Variants in PRIM2 observed in about 807,000 individuals in gnomAD.
PRIM2 encodes DNA primase subunit 2.
In PRIM2, 39 loss-of-function variants were observed where a neutral mutation model predicts 67.3. The observed-to-expected ratio is 0.58, with a 90% CI of 0.45 to 0.76. PRIM2 has a LOEUF of 0.76. Among genes scored for constraint, PRIM2 ranks in the 30% least tolerant of loss-of-function variants. The probability of loss-of-function intolerance (pLI) is 0.00; values close to 1 mark genes in which losing one functional copy is unlikely to be tolerated. For synonymous variants in PRIM2, 143 were observed against 198.7 expected (o/e 0.72, Z 2.36); for missense variants, 398 against 598.7 (o/e 0.66, Z 3.50).
the PRIM2 span, among the ~76,000 whole-genome samples, chr6:57,308,712 G>A: frequency 6.6e-6 from 1 of 152,074 alleles, no homozygotes; most frequent in Non-Finnish European, 1.5e-5. Context: ...TCTGGCACCT[G>A]TAGAATATTA....
At chr6:57,306,147 G>C in the PRIM2 span, among the ~76,000 whole-genome samples, 1 of 152,054 alleles carries the variant, frequency 6.6e-6, no homozygotes, top group Non-Finnish European at 1.5e-5. Context: ...ATTTCACTTC[G>C]TACCCCCACT....
chr6:57,313,500 GC>G (rs1669592685), upstream of PRIM2, among the ~76,000 whole-genome samples: 1 of 152,148 alleles, frequency 6.6e-6, no homozygotes, highest in African/African-American at 2.4e-5. Flanking sequence ...TCTTCACCGT[GC>G]TACCATTAAG....
intron 5 of PRIM2, among the ~76,000 whole-genome samples, chr6:57,345,509 C>CATAT (rs1768648037): frequency 5.7e-5 from 3 of 52,686 alleles, no homozygotes; most frequent in African/African-American, 8.3e-5. Context: ...TGTGTGTGTA[C>CATAT]ATACATATAT....
At chr6:57,372,820 T>C (rs966391139) in intron 5 of PRIM2, among the ~76,000 whole-genome samples, 8 of 152,238 alleles carry the variant, frequency 5.3e-5, no homozygotes, top group Non-Finnish European at 1.2e-4. Flanking sequence ...TTCCGTGGTG[T>C]ATATGTACCA....
chr6:57,262,811 G>A, the PRIM2 span, among the ~76,000 whole-genome samples: 2 of 152,160 alleles, frequency 1.3e-5, no homozygotes, highest in East Asian at 1.9e-4. Context: ...TCTGCAACCT[G>A]CTTCCACCGT....
chr6:57,627,279 C>CAAAAAAAAAAAAAAAAAAAAAAA (rs1158722297), intron 12 of PRIM2, among the ~76,000 whole-genome samples: 1 of 24,538 alleles, frequency 4.1e-5, no homozygotes, highest in Non-Finnish European at 7.9e-5. Context: ...GACTCTGTCT[C>CAAAAAAAAAAAAAAAAAAAAAAA]AAAAAAAAAA....
At chr6:57,268,220 C>A in the PRIM2 span, among the ~76,000 whole-genome samples, 1 of 152,168 alleles carries the variant, frequency 6.6e-6, no homozygotes. Context: ...CAAAAAACCA[C>A]ATTTTGTTCC....
intron 7 of PRIM2, among the ~76,000 whole-genome samples, chr6:57,503,374 G>A (rs2127458374): frequency 6.6e-6 from 1 of 152,334 alleles, no homozygotes; most frequent in African/African-American, 2.4e-5. Context: ...TATAGATTTA[G>A]TCAATATTTC....
chr6:57,276,194 A>T, the PRIM2 span, among the ~76,000 whole-genome samples: 1 of 152,172 alleles, frequency 6.6e-6, no homozygotes, highest in African/African-American at 2.4e-5. Context: ...GTTCAAGACC[A>T]GCCTGGCCAA....
intron 7 of PRIM2, among the ~76,000 whole-genome samples, chr6:57,402,496 C>T (rs1214286557): frequency 2.6e-5 from 4 of 152,046 alleles, no homozygotes; most frequent in Non-Finnish European, 4.4e-5. Flanking sequence ...AGCTGTATTA[C>T]CTAAGTTCAG....
At chr6:57,270,946 G>A in the PRIM2 span, among the ~76,000 whole-genome samples, 3 of 151,840 alleles carry the variant, frequency 2.0e-5, no homozygotes, top group East Asian at 5.8e-4. Context: ...ATTTGTGTAT[G>A]TTGAACCAGC....
chr6:57,632,658 G>C (rs1719213231), intron 13 of PRIM2, among the ~76,000 whole-genome samples: 1 of 152,224 alleles, frequency 6.6e-6, no homozygotes, highest in Non-Finnish European at 1.5e-5. Flanking sequence ...AAATTAGGTA[G>C]TAGACCCAGT....
intron 7 of PRIM2, among the ~76,000 whole-genome samples, chr6:57,481,923 G>A (rs1224164574): frequency 1.3e-5 from 2 of 151,990 alleles, no homozygotes; most frequent in Non-Finnish European, 2.9e-5. Context: ...TTTTTTTCCT[G>A]GCTTACATGA....
chr6:57,605,505 G>T (rs1354755352), intron 11 of PRIM2, among the ~76,000 whole-genome samples: 1 of 152,196 alleles, frequency 6.6e-6, no homozygotes, highest in East Asian at 1.9e-4. Context: ...AGTCTTGGAA[G>T]GTTGTGTGTT....
chr6:57,441,861 C>T (rs1772212236), intron 7 of PRIM2, among the ~76,000 whole-genome samples: 1 of 152,012 alleles, frequency 6.6e-6, no homozygotes, highest in Admixed American at 6.6e-5. Context: ...CAAAGGTAAA[C>T]TGTGTGGTGC....
At chr6:57,334,201 A>G (rs1417204592) in intron 5 of PRIM2, among the ~76,000 whole-genome samples, 1 of 152,152 alleles carries the variant, frequency 6.6e-6, no homozygotes, top group South Asian at 2.1e-4. Context: ...TTAACGTAAT[A>G]TCCCTGTTTC....
At chr6:57,327,525 C>T (rs1477192261) in intron 5 of PRIM2, among the ~76,000 whole-genome samples, 1 of 152,252 alleles carries the variant, frequency 6.6e-6, no homozygotes, top group Admixed American at 6.5e-5. Flanking sequence ...TAGGCAGTTT[C>T]TATAGTTTCT....
the PRIM2 span, among the ~76,000 whole-genome samples, chr6:57,264,981 A>T: frequency 6.6e-6 from 1 of 152,174 alleles, no homozygotes; most frequent in East Asian, 1.9e-4. Context: ...TTGGATTGTG[A>T]TGTCTTCCGT....
At chr6:57,269,706 A>G in the PRIM2 span, among the ~76,000 whole-genome samples, 1 of 152,122 alleles carries the variant, frequency 6.6e-6, no homozygotes, top group Non-Finnish European at 1.5e-5. Context: ...GTCCTTGCCC[A>G]TGCCTCTGTC....
Sources: allele counts gnomAD v4.1 joint callset (sites outside exome capture counted in the v4.1 genomes callset), GRCh38; gene constraint gnomAD v4.1.1; transcripts MANE v1.5; gene names NCBI Gene and HGNC (gene_info 2026-07-23, HGNC 2026-07-21).